The following PABPC1L variants were observed in gnomAD, a reference collection of about 807,000 sequenced individuals.
PABPC1L encodes the protein polyadenylate-binding protein 1-like.
PABPC1L carries 31 observed loss-of-function variants against 66.6 expected under a neutral mutation model. The observed-to-expected ratio is 0.47, with a 90% CI of 0.35 to 0.63. The LOEUF is 0.63. Ranked by LOEUF, PABPC1L falls within the 20% of genes least tolerant of loss-of-function variation. The probability of loss-of-function intolerance (pLI) is 0.00; values close to 1 mark genes in which losing one functional copy is unlikely to be tolerated. For synonymous variants in PABPC1L, 348 were observed against 335.1 expected, an observed-to-expected ratio of 1.04 and a Z score of -0.42; for missense variants, 722 against 848.8, an observed-to-expected ratio of 0.85 and a Z score of 1.86.
chr20:44,926,253 G>A (rs2066808408), intron 7 of PABPC1L, among the ~76,000 whole-genome samples: 1 of 152,158 alleles, frequency 6.6e-6, no homozygotes, highest in South Asian at 2.1e-4. Flanking sequence ...GTGTGATGGA[G>A]TCTAGCTCTG....
At chr20:44,924,401 C>T (rs1357905907) in intron 7 of PABPC1L, 145 bp downstream of exon 7, 8 of 622,730 alleles carry the variant, frequency 1.3e-5, no homozygotes, top group Non-Finnish European at 2.3e-5. Context: ...CTGCTGACCC[C>T]GTTGGAGCTT....
chr20:44,930,403 C>T, intron 7 of PABPC1L, 57 bp from the exon 8 acceptor site: 3 of 1,567,226 alleles, frequency 1.9e-6, no homozygotes, highest in Non-Finnish European at 2.6e-6. Flanking sequence ...GGAGGCAGCG[C>T]AGCCCCAGGA....
At chr20:44,913,692 C>T (rs1339081687) in intron 2 of PABPC1L, among the ~76,000 whole-genome samples, 1 of 152,084 alleles carries the variant, frequency 6.6e-6, no homozygotes, top group African/African-American at 2.4e-5. Flanking sequence ...TGAGCCACCG[C>T]ACCTGGCCTC....
chr20:44,934,067 A>G lies in PABPC1L; in HGVS notation c.1459+882A>G, dbSNP rs112262165. On this transcript the variant is annotated intron_variant, in intron 10 of 14. Coordinates refer to ENST00000217073, the MANE Select transcript of PABPC1L (RefSeq NM_001372179.1). ...ATGCCCGGCTTGTTGTTGAGGATCA[A>G]TGAGATCATGCATGAAAGGGCTTAG... Among the ~76,000 whole-genome samples the G allele has an allele frequency of 7.7e-3, 1,169 of 152,284 alleles. 17 individuals are homozygous for G. The highest frequency in any genetic ancestry group is 0.027 in the African/African-American group (1,131 of 41,562).
rs1486565231 is a variant in PABPC1L at position 44,939,205 on chromosome 20, T to C, written c.*86T>C. The stretch of plus-strand genomic sequence containing the variant: ...GCCCTAAGGCCCTGCAAACTCTAAC[T>C]TATTTCCCAATTAGTCTGTATCTAT... On this transcript the variant is annotated 3_prime_UTR_variant, in exon 15 of 15. Coordinates refer to ENST00000217073, the MANE Select transcript of PABPC1L (RefSeq NM_001372179.1). 1 of 717,940 alleles carries C rather than the reference T, an allele frequency of 1.4e-6. No homozygotes were observed. The highest frequency in any genetic ancestry group is 1.5e-5 in the South Asian group (1 of 67,606). The allele number at this position is 717,940 out of a possible 1,614,324, so 44.5% of individuals were successfully genotyped here.
At chr20:44,923,389 A>G (rs1055192674) in intron 6 of PABPC1L, among the ~76,000 whole-genome samples, 3 of 152,062 alleles carry the variant, frequency 2.0e-5, no homozygotes, top group Non-Finnish European at 4.4e-5. Flanking sequence ...TTGGGAGGCC[A>G]AGGTGGGCAG....
intron 3 of PABPC1L, 132 bp downstream of exon 3, chr20:44,917,003 AGT>A: frequency 1.3e-6 from 1 of 777,874 alleles, no homozygotes; most frequent in South Asian, 1.6e-5. Flanking sequence ...CCCTCCTAGA[AGT>A]GTGAGCCCGG....
In PABPC1L at chr20:44,930,604, G is replaced by T. The variant is rs1322300262; in HGVS notation, c.1117G>T (p.Glu373Ter). 5 of 1,614,132 alleles carry T rather than the reference G, an allele frequency of 3.1e-6. No individual in the cohort carries two copies. Among genetic ancestry groups the T allele is most frequent in the Non-Finnish European group, 4.2e-6 (5 of 1,180,050 alleles). The change falls in exon 8 of 15, where the codon GAG (glutamate) becomes TAG (stop). Residue 373 changes from glutamate (E) to a stop codon, truncating the protein, a stop_gained. Transcript: ENST00000217073. LOFTEE classifies it high-confidence loss of function. Reference sequence around the variant, plus strand: ...CGTGGCACTGGCCCAGCGCAAAGAGGAGCGGAAGGCCATCTTGACCAACCA... The same window carrying T: ...CGTGGCACTGGCCCAGCGCAAAGAGTAGCGGAAGGCCATCTTGACCAACCA... ...LYVALAQRKEERKAILTNQYM... is the reference protein window; with the variant it reads ...LYVALAQRKE
intron 7 of PABPC1L, among the ~76,000 whole-genome samples, chr20:44,927,346 T>C (rs1190444664): frequency 1.3e-5 from 2 of 150,638 alleles, no homozygotes; most frequent in African/African-American, 2.5e-5. Flanking sequence ...TAACAATATA[T>C]ATATATTTTT....
At chr20:44,910,950 C>T (rs2145549978) in intron 1 of PABPC1L, among the ~76,000 whole-genome samples, 1 of 152,340 alleles carries the variant, frequency 6.6e-6, no homozygotes, top group Admixed American at 6.5e-5. Context: ...GATGAGTTTG[C>T]CTGCACTTCT....
At chr20:44,936,018 G>A (rs1390304715) in intron 11 of PABPC1L, among the ~76,000 whole-genome samples, 3 of 151,956 alleles carry the variant, frequency 2.0e-5, no homozygotes, top group Non-Finnish European at 4.4e-5. Flanking sequence ...CAGCACCCAG[G>A]TTAGAGTGCA....
At position 44,919,318 on chromosome 20, in the gene PABPC1L, C is replaced by T. The variant is rs189386214; in HGVS notation, c.738+41C>T. 3.5e-3 allele frequency: 5,669 copies of T among 1,597,884 alleles called. 15 individuals are homozygous for T. Among genetic ancestry groups the T allele is most frequent in the Non-Finnish European group, 4.4e-3 (5,107 of 1,168,284 alleles). ...TGGCTCTGTTCTGCAGCAGGGGGAC[C>T]GAGCTGGGACTAAGAAGAGGGTCCC... On this transcript the variant is annotated intron_variant, in intron 5 of 14. Transcript: ENST00000217073.
rs1272040005 is a variant in PABPC1L, at chr20:44,910,261, A to C, written c.118A>C (p.Ile40Leu). 1.3e-6 allele frequency: 2 copies of C among 1,559,310 alleles called. No individual in the cohort carries two copies. Among genetic ancestry groups the C allele is most frequent in the African/African-American group, 1.4e-5 (1 of 73,074 alleles). The change falls in exon 1 of 15, where the codon ATC becomes CTC. Residue 40 changes from isoleucine (I) to leucine (L), a missense_variant. By Grantham distance (5) the Ile-to-Leu change is conservative. Coordinates refer to ENST00000217073, the MANE Select transcript of PABPC1L (RefSeq NM_001372179.1). Reference sequence around the variant, plus strand: ...CTCTCCCGCCGGCCCCATCCTGTCCATCCGCGTGTGCCGCGATGTAGCCAC... The same window carrying C: ...CTCTCCCGCCGGCCCCATCCTGTCCCTCCGCGTGTGCCGCGATGTAGCCAC... ...KFSPAGPILS[I>L]RVCRDVATRR...
intron 1 of PABPC1L, 88 bp downstream of exon 1, chr20:44,910,424 C>T: frequency 7.4e-7 from 1 of 1,357,116 alleles, no homozygotes; most frequent in East Asian, 2.7e-5. Context: ...CTTGCGCTTT[C>T]ATCTTACACT....
At chr20:44,913,448 G>A (rs1404147487) in intron 2 of PABPC1L, among the ~76,000 whole-genome samples, 3 of 151,314 alleles carry the variant, frequency 2.0e-5, no homozygotes, top group Non-Finnish European at 4.4e-5. Flanking sequence ...GTCTTACTCT[G>A]TTGCCTAGGC....
intron 7 of PABPC1L, among the ~76,000 whole-genome samples, chr20:44,927,352 T>TA (rs201829275): frequency 0.011 from 1,518 of 135,442 alleles, 12 homozygotes; most frequent in African/African-American, 0.028. Context: ...TATATATATA[T>TA]TTTTTTTTTT....
intron 3 of PABPC1L, among the ~76,000 whole-genome samples, chr20:44,918,394 T>G (rs2066751035): frequency 6.6e-6 from 1 of 152,152 alleles, no homozygotes; most frequent in Admixed American, 6.5e-5. Context: ...ATGCCCCCCA[T>G]AGCAACACTA....
At chr20:44,925,944 T>G (rs374784180) in intron 7 of PABPC1L, among the ~76,000 whole-genome samples, 2 of 152,218 alleles carry the variant, frequency 1.3e-5, no homozygotes, top group African/African-American at 4.8e-5. Flanking sequence ...TTTTCGGACC[T>G]TGTTTACTCA....
intron 6 of PABPC1L, 115 bp from the exon 7 acceptor site, chr20:44,924,046 G>C: frequency 1.3e-6 from 1 of 798,474 alleles, no homozygotes; most frequent in Non-Finnish European, 2.2e-6. Context: ...GGAGCAGGAG[G>C]CTGGGCTGGT....
Sources: allele counts gnomAD v4.1 joint callset (sites outside exome capture counted in the v4.1 genomes callset), GRCh38; gene constraint gnomAD v4.1.1; transcripts MANE v1.5; gene names NCBI Gene and HGNC (gene_info 2026-07-23, HGNC 2026-07-21).